KIRREL3: variants seen among roughly 807,000 people sequenced by gnomAD.
KIRREL3 encodes kirre like nephrin family adhesion molecule 3, also known as kin of IRRE-like protein 3.
KIRREL3 carries 36 observed loss-of-function variants against 89.7 expected under a neutral mutation model. The ratio of observed to expected loss-of-function variants is 0.40; its 90% CI spans 0.31 to 0.53. The LOEUF (loss-of-function observed/expected upper bound fraction) is 0.53. KIRREL3 is among the 20% of genes least tolerant of loss of function. The pLI, the probability that KIRREL3 is intolerant of heterozygous loss-of-function variation, is 0.49. For missense variants in KIRREL3, 864 were observed against 1,056.6 expected (o/e 0.82, Z 2.53); for synonymous variants, 445 against 441.4 (o/e 1.01, Z -0.10).
chr11:126,497,231 TGA>T (rs1345363754), intron 4 of KIRREL3, among the ~76,000 whole-genome samples: 4 of 150,980 alleles, frequency 2.6e-5, no homozygotes, highest in East Asian at 2.0e-4. Context: ...TGAGTGTGTG[TGA>T]GACAGTGTGA....
At position 126,615,200 on chromosome 11, in the gene KIRREL3, G is replaced by A. The variant is rs1943294166; in HGVS notation, c.56-52288C>T. On this transcript the variant is annotated intron_variant, in intron 1 of 16. Coordinates refer to ENST00000525144, the MANE Select transcript of KIRREL3 (RefSeq NM_032531.4). The surrounding 1 kb of genome is among the most constrained non-coding windows in gnomAD (Gnocchi z 5.4). ...CGTGCATACCTCTGCCTTAGCACCT[G>A]CTTTTATGACAGTCTTCTCTACAAT... Among the ~76,000 whole-genome samples, 1 of 152,164 alleles carries A rather than the reference G, an allele frequency of 6.6e-6. No individual in the cohort carries two copies. The highest frequency in any genetic ancestry group is 1.5e-5 in the Non-Finnish European group (1 of 68,036).
Position 126,768,107 on chromosome 11 carries a change from T to C in KIRREL3, c.56-205195A>G, listed in dbSNP as rs1949888578. ...CAACTGTCATTCATTATTTCATCCA[T>C]CTGTCCATCCATCTGTCTATCCATC... On this transcript the variant is annotated intron_variant, in intron 1 of 16. Coordinates refer to ENST00000525144, the MANE Select transcript of KIRREL3 (RefSeq NM_032531.4). This position sits in a 1 kb window ranked among gnomAD's most constrained non-coding sequence, Gnocchi z 4.5. Among the ~76,000 whole-genome samples, 1 of 152,186 alleles carries C rather than the reference T, an allele frequency of 6.6e-6. No homozygotes were observed. The highest frequency in any genetic ancestry group is 1.5e-5 in the Non-Finnish European group (1 of 68,024).
intron 1 of KIRREL3, among the ~76,000 whole-genome samples, chr11:126,690,646 C>G (rs978541385): frequency 7.9e-5 from 12 of 152,176 alleles, no homozygotes; most frequent in Non-Finnish European, 1.8e-4. Context: ...CAGGTGAATT[C>G]TCCAGTTGGC....
rs895019486 is a variant in KIRREL3, at chr11:126,495,713, C to T, written c.434-22247G>A. 2.0e-5 allele frequency among the ~76,000 whole-genome samples: 3 copies of T among 152,126 alleles called. No homozygotes were observed. Among genetic ancestry groups the T allele is most frequent in the African/African-American group, 7.2e-5 (3 of 41,422 alleles). On this transcript the variant is annotated intron_variant, in intron 4 of 16. Transcript: ENST00000525144. This position sits in a 1 kb window ranked among gnomAD's most constrained non-coding sequence, Gnocchi z 6.5. The stretch of plus-strand genomic sequence containing the variant: ...GGAGGAGGGGCACTCAGAGATTCAC[C>T]TGCCCTCTCTGAGCCCATGTGGGCA...
At chr11:126,672,962 T>C (rs998886978) in intron 1 of KIRREL3, among the ~76,000 whole-genome samples, 1 of 152,232 alleles carries the variant, frequency 6.6e-6, no homozygotes, top group African/African-American at 2.4e-5. Flanking sequence ...CATCAAATTA[T>C]AGAAAGTAGC....
intron 1 of KIRREL3, among the ~76,000 whole-genome samples, chr11:126,621,502 G>C (rs951958947): frequency 1.3e-5 from 2 of 152,170 alleles, no homozygotes; most frequent in Non-Finnish European, 2.9e-5. Context: ...AAGCGTGTGA[G>C]AGGCTTAAAA....
chr11:126,431,252 C>CCA lies in KIRREL3; in HGVS notation c.1696+165_1696+166dup. 1.3e-6 allele frequency: 2 copies of CCA among 1,531,944 alleles called. No homozygotes were observed. The highest frequency in any genetic ancestry group is 1.8e-6 in the Non-Finnish European group (2 of 1,133,204). The allele number at this position is 1,531,944 out of a possible 1,614,324, so 94.9% of individuals were successfully genotyped here. A position where few individuals can be genotyped will look rare whatever the true frequency, so the allele number is the denominator to read the frequency against. On this transcript the variant is annotated intron_variant, in intron 14 of 16. Coordinates refer to ENST00000525144, the MANE Select transcript of KIRREL3 (RefSeq NM_032531.4). This position sits in a 1 kb window ranked among gnomAD's most constrained non-coding sequence, Gnocchi z 7.1. ...CCCACTCTGCCAGGCGCCATGTTGC[C>CCA]CAGGCTCACATACACCGATGCATCA...
intron 1 of KIRREL3, among the ~76,000 whole-genome samples, chr11:126,585,394 C>T (rs943241487): frequency 1.1e-4 from 17 of 151,884 alleles, no homozygotes; most frequent in African/African-American, 4.1e-4. Flanking sequence ...CCACCACGCC[C>T]GGCTACATTT....
chr11:126,913,004 G>A (rs1159029778), intron 1 of KIRREL3, among the ~76,000 whole-genome samples: 1 of 152,218 alleles, frequency 6.6e-6, no homozygotes, highest in Non-Finnish European at 1.5e-5. Flanking sequence ...AGACTCAGCT[G>A]AGCACACGTA....
At chr11:126,966,395 G>A (rs1949272233) in intron 1 of KIRREL3, among the ~76,000 whole-genome samples, 1 of 152,168 alleles carries the variant, frequency 6.6e-6, no homozygotes, top group Non-Finnish European at 1.5e-5. Context: ...CTGCTGTTCT[G>A]CAGAAATTGT....
rs1325601822 is a variant in KIRREL3 at position 126,995,221 on chromosome 11, T to C, written c.55+5234A>G. ...GCTCCCACCGACCCTGCTCCAAGAG[T>C]GCTGGGATGTCCGCTGGCCTCGAGG... On this transcript the variant is annotated intron_variant, in intron 1 of 16. Transcript: ENST00000525144. The surrounding 1 kb of genome is among the most constrained non-coding windows in gnomAD (Gnocchi z 6.5). 1 of 455,776 alleles carries C rather than the reference T, an allele frequency of 2.2e-6. No individual in the cohort carries two copies. The highest frequency in any genetic ancestry group is 4.4e-6 in the Non-Finnish European group (1 of 226,858). The allele number at this position is 455,776 out of a possible 1,614,324, so 28.2% of individuals were successfully genotyped here. A position where few individuals can be genotyped will look rare whatever the true frequency, so the allele number is the denominator to read the frequency against.
At chr11:126,863,423 ATGTGTG>A (rs1565362862) in intron 1 of KIRREL3, among the ~76,000 whole-genome samples, 1 of 20,612 alleles carries the variant, frequency 4.9e-5, no homozygotes. Context: ...GTGTGAGCGC[ATGTGTG>A]TGAGTGCGTG....
chr11:126,694,127 T>C lies in KIRREL3; in HGVS notation c.56-131215A>G, dbSNP rs1006166536. Among the ~76,000 whole-genome samples, 2 of 152,238 alleles carry C rather than the reference T, an allele frequency of 1.3e-5. No homozygotes were observed. Among genetic ancestry groups the C allele is most frequent in the South Asian group, 2.1e-4 (1 of 4,830 alleles). ...GAGATGGGAGCATGGGCTCCATCCC[T>C]AAGGGAGCCACATTCGTTTTTTTTC... On this transcript the variant is annotated intron_variant, in intron 1 of 16. Transcript: ENST00000525144. This position sits in a 1 kb window ranked among gnomAD's most constrained non-coding sequence, Gnocchi z 4.4.
At chr11:126,861,674 T>C (rs1946056) in intron 1 of KIRREL3, among the ~76,000 whole-genome samples, 47,685 of 152,102 alleles carry the variant, frequency 0.31, 7,972 homozygotes, top group African/African-American at 0.43. Context: ...TAAAAGCCCT[T>C]TGTAAATTAC....
At chr11:126,440,345 G>T (rs1201644872) in intron 11 of KIRREL3, 104 bp downstream of exon 11, 1 of 975,794 alleles carries the variant, frequency 1.0e-6, no homozygotes, top group Non-Finnish European at 1.6e-6. Context: ...GCAAGAAAGA[G>T]GAACCTCGGA....
At chr11:126,596,051 G>T (rs1485790221) in intron 1 of KIRREL3, among the ~76,000 whole-genome samples, 1 of 152,196 alleles carries the variant, frequency 6.6e-6, no homozygotes, top group Non-Finnish European at 1.5e-5. Context: ...AGGCAGGAAA[G>T]TCTCCCAGGA....
chr11:126,791,389 C>T lies in KIRREL3; in HGVS notation c.55+209066G>A, dbSNP rs12271507. Among the ~76,000 whole-genome samples the T allele has an allele frequency of 7.0e-3, 1,065 of 152,346 alleles. 16 individuals are homozygous for T. The highest frequency in any genetic ancestry group is 0.023 in the African/African-American group (949 of 41,572). On this transcript the variant is annotated intron_variant, in intron 1 of 16. Coordinates refer to ENST00000525144, the MANE Select transcript of KIRREL3 (RefSeq NM_032531.4). The surrounding 1 kb of genome is among the most constrained non-coding windows in gnomAD (Gnocchi z 4.8). ...TGCAGCCAGCTACCCGCTTCCCAGG[C>T]TTCTGCTCACGGGAGCTTCAGCTTG...
Position 126,432,272 on chromosome 11 carries a change from C to A in KIRREL3, c.1589-746G>T, listed in dbSNP as rs1955163409. On this transcript the variant is annotated intron_variant, in intron 13 of 16. Coordinates refer to ENST00000525144, the MANE Select transcript of KIRREL3 (RefSeq NM_032531.4). The surrounding 1 kb of genome is among the most constrained non-coding windows in gnomAD (Gnocchi z 6.2). ...CACACACTGGGCAGGCAAGCCCTCA[C>A]CCCTGCTGAGTCTCTGTGGCCTGTC... is the stretch of plus-strand genomic sequence containing the variant. Among the ~76,000 whole-genome samples, 1 of 152,160 alleles carries A rather than the reference C, an allele frequency of 6.6e-6. No individual in the cohort carries two copies. The highest frequency in any genetic ancestry group is 2.1e-4 in the South Asian group (1 of 4,824).
chr11:126,559,264 C>G (rs1485921185), intron 2 of KIRREL3, among the ~76,000 whole-genome samples: 1 of 152,212 alleles, frequency 6.6e-6, no homozygotes, highest in Non-Finnish European at 1.5e-5. Flanking sequence ...ATCTGAGGCG[C>G]TCCTTTTCAA....
Sources: gnomAD v4.1 joint callset for allele counts (sites outside exome capture counted in the v4.1 genomes callset) on GRCh38, gnomAD v4.1.1 for gene constraint, Gnocchi (gnomAD v3.1) non-coding constraint, MANE v1.5 for transcripts, NCBI Gene and HGNC (gene_info 2026-07-23, HGNC 2026-07-21) for gene names.